EMSY: variants seen among roughly 807,000 people sequenced by gnomAD.
EMSY encodes the protein BRCA2-interacting transcriptional repressor EMSY.
A neutral mutation model predicts 134.6 loss-of-function variants in EMSY; 26 were observed. The observed-to-expected ratio is 0.19, with a 90% CI of 0.14 to 0.27. The LOEUF (loss-of-function observed/expected upper bound fraction) is 0.27. Among genes scored for constraint, EMSY ranks in the 10% least tolerant of loss-of-function variants. The pLI is 1.00. For missense variants in EMSY, 1,305 were observed against 1,611.4 expected, an observed-to-expected ratio of 0.81 and a Z score of 3.26; for synonymous variants, 579 against 577.8, an observed-to-expected ratio of 1.00 and a Z score of -0.03.
chr11:76,459,596 A>G (rs551912737), intron 5 of EMSY: 9 of 207,902 alleles, frequency 4.3e-5, no homozygotes, highest in Admixed American at 4.2e-4. Flanking sequence ...AAGGGAATAC[A>G]AGTAAGTGCC....
At chr11:76,470,102 A>G (rs1416903875) in intron 7 of EMSY, among the ~76,000 whole-genome samples, 1 of 152,184 alleles carries the variant, frequency 6.6e-6, no homozygotes, top group African/African-American at 2.4e-5. Flanking sequence ...TAACAATGTT[A>G]TGGTCCGAGC....
intron 20 of EMSY, among the ~76,000 whole-genome samples, chr11:76,547,402 A>G (rs1951691282): frequency 6.6e-6 from 1 of 152,244 alleles, no homozygotes; most frequent in Non-Finnish European, 1.5e-5. Flanking sequence ...TGTAAAAACA[A>G]ATGTAAATGA....
Position 76,488,153 on chromosome 11 carries a change from T to G in EMSY, c.1109-8062T>G, listed in dbSNP as rs187980053. Among the ~76,000 whole-genome samples, 42 of 152,364 alleles carry G rather than the reference T, an allele frequency of 2.8e-4. No individual in the cohort carries two copies. The East Asian group carries it at 7.1e-3, about 26-fold the overall frequency. On this transcript the variant is annotated intron_variant, in intron 8 of 20. Transcript: ENST00000334736. ...AGTGATATTCACAGTAGCCCATTTT[T>G]TTGTGTGTATTTAAATGTTTCATAA...
chr11:76,550,207 T>A (rs1951798020), exon 21 of EMSY: 1 of 1,363,378 alleles, frequency 7.3e-7, no homozygotes, highest in African/African-American at 1.5e-5. Flanking sequence ...AGGGAAACCC[T>A]TGTATTTTGA....
At chr11:76,464,298 T>C (rs1948261553) in intron 7 of EMSY, among the ~76,000 whole-genome samples, 1 of 152,240 alleles carries the variant, frequency 6.6e-6, no homozygotes, top group African/African-American at 2.4e-5. Context: ...ACTTGCATAA[T>C]ATGACACAGC....
At chr11:76,537,874 G>A (rs776815651) in exon 16 of EMSY, 6 of 1,613,688 alleles carry the variant, frequency 3.7e-6, no homozygotes, top group Non-Finnish European at 5.1e-6. Flanking sequence ...AGATGACCCA[G>A]GAAAAGAGAC....
At chr11:76,547,186 A>G (rs533812763) in intron 20 of EMSY, 2 of 358,000 alleles carry the variant, frequency 5.6e-6, no homozygotes, top group Non-Finnish European at 1.1e-5. Context: ...ATTTTAGTTA[A>G]TTGAGAATTT....
At chr11:76,537,886 T>G in exon 16 of EMSY, 2 of 1,613,786 alleles carry the variant, frequency 1.2e-6, no homozygotes, top group South Asian at 1.1e-5. Flanking sequence ...AAAAGAGACA[T>G]TCTCCTGAGA....
Position 76,518,703 on chromosome 11 carries a change from A to ATTTTT in EMSY, c.1684+2397_1684+2401dup, listed in dbSNP as rs67729914. On this transcript the variant is annotated intron_variant, in intron 11 of 20. Coordinates refer to ENST00000334736, the Ensembl canonical transcript of EMSY. ...TGCGCGCATATATATATATATATAT[A>ATTTTT]TTTTTTTTTTAATTGGGATCTAATA... Among the ~76,000 whole-genome samples, 24 of 130,194 alleles carry ATTTTT rather than the reference A, an allele frequency of 1.8e-4. No individual in the cohort carries two copies. The East Asian group carries it at 4.6e-3, about 25-fold the overall frequency. 85.4% of individuals were successfully genotyped at this position (130,194 alleles called of 152,430 possible).
chr11:76,496,266 A>G (rs1181570501), exon 9 of EMSY: 4 of 1,614,002 alleles, frequency 2.5e-6, no homozygotes, highest in African/African-American at 2.7e-5. Flanking sequence ...CCTTCCCCCA[A>G]AAGCTTAGTG....
At chr11:76,502,580 A>T (rs1433354520) in intron 9 of EMSY, among the ~76,000 whole-genome samples, 1 of 151,832 alleles carries the variant, frequency 6.6e-6, no homozygotes, top group Non-Finnish European at 1.5e-5. Context: ...ACTAAAAGAT[A>T]TTAGAACTAA....
intron 9 of EMSY, chr11:76,496,684 T>C: frequency 3.2e-6 from 2 of 621,232 alleles, no homozygotes; most frequent in South Asian, 1.7e-5. Context: ...ATTGGTATTA[T>C]GATTTTAATT....
At position 76,518,703 on chromosome 11, in the gene EMSY, A is replaced by ATAATATT. The variant is rs57143914; in HGVS notation, c.1684+2392_1684+2393insAATATTT. ...TGCGCGCATATATATATATATATAT[A>ATAATATT]TTTTTTTTTTAATTGGGATCTAATA... is the stretch of plus-strand genomic sequence containing the variant. On this transcript the variant is annotated intron_variant, in intron 11 of 20. Coordinates refer to ENST00000334736, the Ensembl canonical transcript of EMSY. 4.6e-5 allele frequency among the ~76,000 whole-genome samples: 6 copies of ATAATATT among 130,196 alleles called. No individual in the cohort carries two copies. The South Asian group carries it at 7.9e-4, about 17-fold the overall frequency. The allele number at this position is 130,196 out of a possible 152,430, so 85.4% of individuals were successfully genotyped here.
intron 2 of EMSY, among the ~76,000 whole-genome samples, chr11:76,449,722 A>T (rs1448554872): frequency 6.6e-6 from 1 of 152,196 alleles, no homozygotes; most frequent in Non-Finnish European, 1.5e-5. Flanking sequence ...GTCTGGCCAC[A>T]AACTACTTTT....
chr11:76,533,854 C>T (rs752772929), intron 14 of EMSY, among the ~76,000 whole-genome samples: 1 of 152,128 alleles, frequency 6.6e-6, no homozygotes, highest in Non-Finnish European at 1.5e-5. Flanking sequence ...ATTTCCTAGT[C>T]ATTGCGTTCC....
At chr11:76,549,913 T>C in intron 20 of EMSY, 39 bp from the exon 22 acceptor site, 1 of 1,500,652 alleles carries the variant, frequency 6.7e-7, no homozygotes, top group Non-Finnish European at 9.0e-7. Flanking sequence ...TCTGCTACCT[T>C]TTCTTACCAT....
At chr11:76,496,052 T>G (rs554291684) in intron 8 of EMSY, among the ~76,000 whole-genome samples, 163 bp from the exon 10 acceptor site, 21 of 152,338 alleles carry the variant, frequency 1.4e-4, no homozygotes, top group African/African-American at 5.1e-4. Flanking sequence ...ATATCAGATA[T>G]GTAAGGTGCC....
intron 11 of EMSY, among the ~76,000 whole-genome samples, chr11:76,519,149 C>T (rs1052718654): frequency 1.3e-5 from 2 of 151,610 alleles, no homozygotes; most frequent in African/African-American, 4.8e-5. Flanking sequence ...ACTGCTACCC[C>T]CGCCTCCCAG....
intron 20 of EMSY, among the ~76,000 whole-genome samples, chr11:76,547,646 G>A (rs767698344): frequency 2.6e-5 from 4 of 152,286 alleles, no homozygotes; most frequent in East Asian, 1.9e-4. Context: ...AGCACAGTAC[G>A]TGGCTCATAG....
Sources: gnomAD v4.1 joint callset for allele counts (sites outside exome capture counted in the v4.1 genomes callset) on GRCh38, gnomAD v4.1.1 for gene constraint, MANE v1.5 for transcripts, NCBI Gene and HGNC (gene_info 2026-07-23, HGNC 2026-07-21) for gene names.